STAT4: variants seen among roughly 807,000 people sequenced by gnomAD.
STAT4 encodes the protein signal transducer and activator of transcription 4.
In STAT4, 42 loss-of-function variants were observed where a neutral mutation model predicts 110.5. The ratio of observed to expected loss-of-function variants is 0.38; its 90% CI spans 0.30 to 0.49. STAT4 has a LOEUF of 0.49. Among genes scored for constraint, STAT4 ranks in the 20% least tolerant of loss-of-function variants. STAT4 has a pLI of 0.95. For synonymous variants in STAT4, 284 were observed against 302.2 expected (o/e 0.94, Z 0.63); for missense variants, 632 against 887.9 (o/e 0.71, Z 3.66).
chr2:191,100,760 AT>A (rs145044866), intron 3 of STAT4, among the ~76,000 whole-genome samples: 73 of 151,092 alleles, frequency 4.8e-4, no homozygotes, highest in African/African-American at 1.7e-3. Flanking sequence ...TAAATATGTA[AT>A]TTTTTATATT....
At position 191,031,342 on chromosome 2, in the gene STAT4, G is replaced by T; in HGVS notation, c.2111+108C>A. On this transcript the variant is annotated intron_variant, in intron 22 of 23. Transcript: ENST00000392320. The surrounding 1 kb of genome is among the most constrained non-coding windows in gnomAD (Gnocchi z 4.8). ...TATGTATTAAAGGAAATGGGACATTGCACATTACAATGCTTTGTTCTCAGT... is the reference window on the plus strand; with the variant it reads ...TATGTATTAAAGGAAATGGGACATTTCACATTACAATGCTTTGTTCTCAGT... 8.7e-7 allele frequency: 1 copy of T among 1,144,502 alleles called. No individual in the cohort carries two copies. The highest frequency in any genetic ancestry group is 1.2e-6 in the Non-Finnish European group (1 of 804,144). 70.9% of individuals were successfully genotyped at this position (1,144,502 alleles called of 1,614,324 possible).
At chr2:191,078,977 G>A (rs1425539769) in intron 3 of STAT4, among the ~76,000 whole-genome samples, 2 of 151,906 alleles carry the variant, frequency 1.3e-5, no homozygotes, top group Non-Finnish European at 2.9e-5. Context: ...TTTTCCACAT[G>A]TCTACCAAAT....
At chr2:191,034,294 G>GT (rs1397231485) in intron 18 of STAT4, among the ~76,000 whole-genome samples, 1 of 151,870 alleles carries the variant, frequency 6.6e-6, no homozygotes, top group Non-Finnish European at 1.5e-5. Context: ...GTGGTGGTGG[G>GT]TGCCTGTAGT....
intron 3 of STAT4, among the ~76,000 whole-genome samples, chr2:191,102,600 C>A (rs1419096995): frequency 1.3e-5 from 2 of 152,108 alleles, no homozygotes; most frequent in Non-Finnish European, 2.9e-5. Flanking sequence ...CCAATTTCAC[C>A]GTTTTTCACT....
rs188292495 is a variant in STAT4, at chr2:191,067,929, C to T, written c.545-1414G>A. ...AACAACACTGTGGCAAATTTCTCTA[C>T]AAATTAGGACTAATCTCCAGGAACT... On this transcript the variant is annotated intron_variant, in intron 6 of 23. Transcript: ENST00000392320. The T allele has an allele frequency of 1.1e-4, 16 of 152,262 alleles. No individual in the cohort carries two copies. In the East Asian group the frequency reaches 3.1e-3, roughly 29 times the overall value. The allele number at this position is 152,262 out of a possible 1,614,324, so 9.4% of individuals were successfully genotyped here.
intron 3 of STAT4, among the ~76,000 whole-genome samples, chr2:191,079,548 G>T (rs968232179): frequency 3.3e-5 from 5 of 151,768 alleles, no homozygotes; most frequent in Non-Finnish European, 7.4e-5. Context: ...TAATGCTTTT[G>T]TAATATCTCT....
rs1331602914 is a variant in STAT4, at chr2:191,140,093, A to T, written c.273+6520T>A. Among the ~76,000 whole-genome samples, 2 of 152,172 alleles carry T rather than the reference A, an allele frequency of 1.3e-5. No individual in the cohort carries two copies. The highest frequency in any genetic ancestry group is 3.8e-4 in the East Asian group (2 of 5,208). On this transcript the variant is annotated intron_variant, in intron 3 of 23. Transcript: ENST00000392320. This position sits in a 1 kb window ranked among gnomAD's most constrained non-coding sequence, Gnocchi z 4.4. ...GATTTCTCAGCCTATACAAAAATCA[A>T]CTCAACATGGATCAAAGATTTAAAT... is the stretch of plus-strand genomic sequence containing the variant.
chr2:191,063,611 C>G (rs1398638929), intron 8 of STAT4, among the ~76,000 whole-genome samples: 1 of 152,168 alleles, frequency 6.6e-6, no homozygotes, highest in Admixed American at 6.5e-5. Flanking sequence ...TCTTATCAGA[C>G]TTGGAAAGTC....
rs1485599626 is a variant in STAT4, at chr2:191,033,948, G to T, written c.1678C>A (p.Leu560Ile). The part of the protein sequence containing the change: ...FWTWLEAILD[L>I]IKKHILPLWI... ...AGGGGAAGAATGTGTTTCTTAATTA[G>T]ATCCAATATTGCTTCAAGCCATGTC... Residue 560 changes from leucine to isoleucine, a missense_variant, in exon 19 of 24, where the codon CTA (leucine) becomes ATA (isoleucine). By Grantham distance (5) the Leu-to-Ile change is conservative. Transcript: ENST00000392320. The surrounding 1 kb of genome is among the most constrained non-coding windows in gnomAD (Gnocchi z 6.9). 6.2e-7 allele frequency: 1 copy of T among 1,612,452 alleles called. No individual in the cohort carries two copies. The highest frequency in any genetic ancestry group is 8.5e-7 in the Non-Finnish European group (1 of 1,179,464).
In STAT4 at chr2:191,032,847, T is replaced by C; in HGVS notation, c.2044+111A>G. The C allele has an allele frequency of 8.7e-7, 1 of 1,153,370 alleles. No individual in the cohort carries two copies. Among genetic ancestry groups the C allele is most frequent in the Non-Finnish European group, 1.2e-6 (1 of 820,202 alleles). 71.4% of individuals were successfully genotyped at this position (1,153,370 alleles called of 1,614,324 possible). A position where few individuals can be genotyped will look rare whatever the true frequency, so the allele number is the denominator to read the frequency against. ...TTGACCTCCACATGCCCTTAGATCT[T>C]ACAGAAATCAGAGTAAACAAGAAGG... On this transcript the variant is annotated intron_variant, in intron 21 of 23. Coordinates refer to ENST00000392320, the MANE Select transcript of STAT4 (RefSeq NM_003151.4). This position sits in a 1 kb window ranked among gnomAD's most constrained non-coding sequence, Gnocchi z 4.9.
At chr2:191,089,661 T>C (rs981711150) in intron 3 of STAT4, among the ~76,000 whole-genome samples, 3 of 152,146 alleles carry the variant, frequency 2.0e-5, no homozygotes, top group African/African-American at 7.2e-5. Context: ...AACCAAGATA[T>C]CCTCAAATAG....
chr2:191,062,975 G>A lies in STAT4; in HGVS notation c.783-55C>T, dbSNP rs1696891375. On this transcript the variant is annotated intron_variant, in intron 8 of 23. Transcript: ENST00000392320. The surrounding 1 kb of genome is among the most constrained non-coding windows in gnomAD (Gnocchi z 4.9). ...AGTTTTTCCACTTAATAATAAAAAA[G>A]CATTGTAACAATGGGTCATAGTTAA... 15 of 1,517,674 alleles carry A rather than the reference G, an allele frequency of 9.9e-6. No homozygotes were observed. The highest frequency in any genetic ancestry group is 5.9e-5 in the Admixed American group (3 of 51,036). 94.0% of individuals were successfully genotyped at this position (1,517,674 alleles called of 1,614,324 possible).
At chr2:191,137,269 G>C (rs6434443) in intron 3 of STAT4, among the ~76,000 whole-genome samples, 88,637 of 151,944 alleles carry the variant, frequency 0.58, 26,399 homozygotes, top group Admixed American at 0.65. Context: ...AAATGCAGAG[G>C]TTGCAGTGAG....
chr2:191,047,612 T>C (rs1696385366), intron 14 of STAT4, among the ~76,000 whole-genome samples: 1 of 152,172 alleles, frequency 6.6e-6, no homozygotes, highest in Non-Finnish European at 1.5e-5. Flanking sequence ...GAAAAAAGTT[T>C]AGTGTTTCCT....
chr2:191,139,478 A>G (rs1010668038), intron 3 of STAT4, among the ~76,000 whole-genome samples: 2 of 152,216 alleles, frequency 1.3e-5, no homozygotes, highest in African/African-American at 2.4e-5. Context: ...AATCAAATCA[A>G]TAACTCAATC....
intron 3 of STAT4, among the ~76,000 whole-genome samples, chr2:191,109,958 C>A (rs541923339): frequency 6.6e-6 from 1 of 152,258 alleles, no homozygotes; most frequent in South Asian, 2.1e-4. Flanking sequence ...TCTAAACAGT[C>A]CCTTAAGGCT....
At chr2:191,075,566 G>A (rs1202323823) in intron 4 of STAT4, among the ~76,000 whole-genome samples, 5 of 152,174 alleles carry the variant, frequency 3.3e-5, no homozygotes. Context: ...CAGAAATTCA[G>A]CTTGGAGGTG....
intron 5 of STAT4, among the ~76,000 whole-genome samples, chr2:191,071,629 C>A (rs1290484052): frequency 1.3e-5 from 2 of 152,080 alleles, no homozygotes; most frequent in African/African-American, 2.4e-5. Context: ...GTGAAAATAC[C>A]CAGCAATAAT....
At chr2:191,036,352 G>T (rs974591713) in intron 16 of STAT4, 53 bp from the exon 17 acceptor site, 13 of 1,590,336 alleles carry the variant, frequency 8.2e-6, no homozygotes, top group African/African-American at 1.3e-5. Flanking sequence ...TGGGTAGCTA[G>T]TGAGGTGTGA....
Sources: gnomAD v4.1 joint callset for allele counts (sites outside exome capture counted in the v4.1 genomes callset) on GRCh38, gnomAD v4.1.1 for gene constraint, Gnocchi (gnomAD v3.1) non-coding constraint, MANE v1.5 for transcripts, NCBI Gene and HGNC (gene_info 2026-07-23, HGNC 2026-07-21) for gene names.